Variants in ACACB observed in about 807,000 individuals in gnomAD.
ACACB encodes acetyl-CoA carboxylase 2.
Under a neutral mutation model 278.8 loss-of-function variants are expected in ACACB, and 209 were observed. The ratio of observed to expected loss-of-function variants is 0.75; its 90% confidence interval spans 0.67 to 0.84. ACACB has a LOEUF of 0.84. Among genes scored for constraint, ACACB ranks in the 40% least tolerant of loss-of-function variants. The pLI, the probability that ACACB is intolerant of heterozygous loss-of-function variation, is 0.00. For synonymous variants in ACACB, 1,174 were observed against 1,285.6 expected, an observed-to-expected ratio of 0.91 and a Z score of 1.86; for missense variants, 2,850 against 3,269.0, an observed-to-expected ratio of 0.87 and a Z score of 3.13.
intron 5 of ACACB, among the ~76,000 whole-genome samples, 173 bp from the exon 6 acceptor site, chr12:109,172,102 T>G (rs1005501935): frequency 6.6e-6 from 1 of 152,034 alleles, no homozygotes; most frequent in African/African-American, 2.4e-5. Flanking sequence ...AAAAAAAAAT[T>G]TTATAGACAG....
chr12:109,133,755 G>A (rs1332094850), intron 1 of ACACB, among the ~76,000 whole-genome samples: 1 of 148,474 alleles, frequency 6.7e-6, no homozygotes, highest in Non-Finnish European at 1.5e-5. Context: ...TGGTGTTCCT[G>A]AATGCAGTTT....
At position 109,199,498 on chromosome 12, in the gene ACACB, C is replaced by G; in HGVS notation, c.2724C>G (p.Tyr908Ter). 6.4e-7 allele frequency: 1 copy of G among 1,556,984 alleles called. No homozygotes were observed. The highest frequency in any genetic ancestry group is 1.2e-5 in the South Asian group (1 of 82,546). Residue 908 changes from tyrosine to a stop codon, truncating the protein, a stop_gained, in exon 18 of 53, where the codon TAC becomes TAG. Transcript: ENST00000338432. LOFTEE classifies it high-confidence loss of function. Reference protein sequence around the residue: ...RSPSAGKLTQYTVEDGGHVEA... With the variant: ...RSPSAGKLTQ ...CCTCGGCTGGGAAGCTGACACAGTA[C>G]ACAGTGGAGGATGGGGGCCACGTTG... is the stretch of plus-strand genomic sequence containing the variant.
At chr12:109,244,859 C>T (rs2046896903) in intron 37 of ACACB, among the ~76,000 whole-genome samples, 1 of 152,134 alleles carries the variant, frequency 6.6e-6, no homozygotes, top group South Asian at 2.1e-4. Flanking sequence ...CAGACCAGAG[C>T]TAAATTTATC....
chr12:109,152,640 CTTTTTTTT>C (rs34863094), intron 2 of ACACB, among the ~76,000 whole-genome samples: 45 of 74,868 alleles, frequency 6.0e-4, no homozygotes, highest in African/African-American at 1.3e-3. Flanking sequence ...TTCTTTCTTT[CTTTTTTTT>C]TTTTTTTTTT....
At chr12:109,147,685 C>T (rs2043277088) in intron 2 of ACACB, among the ~76,000 whole-genome samples, 1 of 152,066 alleles carries the variant, frequency 6.6e-6, no homozygotes, top group African/African-American at 2.4e-5. Context: ...GGTGCTGGCT[C>T]ATGGTAGGCT....
intron 11 of ACACB, 53 bp from the exon 12 acceptor site, chr12:109,185,526 G>T: frequency 8.1e-6 from 13 of 1,602,948 alleles, no homozygotes; most frequent in Non-Finnish European, 1.0e-5. Context: ...TGGTGTTTTG[G>T]GGCCGTGTTC....
In ACACB at chr12:109,223,872, G is replaced by A. The variant is rs567861529; in HGVS notation, c.3850G>A (p.Ala1284Thr). 13 of 1,613,998 alleles carry A rather than the reference G, an allele frequency of 8.1e-6. No individual in the cohort carries two copies. The highest frequency in any genetic ancestry group is 3.3e-4 in the Middle Eastern group (2 of 6,062). The change falls in exon 27 of 53, where the codon GCA (alanine) becomes ACA (threonine). Residue 1284 changes from alanine to threonine, a missense_variant. Physicochemically the swap from Ala to Thr is moderately conservative, Grantham distance 58 (BLOSUM62 0). Coordinates refer to ENST00000338432, the MANE Select transcript of ACACB (RefSeq NM_001093.4). Reference sequence around the variant, plus strand: ...CGTCCTGCCTACTTTCTTCTATCACGCAAACAAAGTCGTGTGCATGGCGTC... The same window carrying A: ...CGTCCTGCCTACTTTCTTCTATCACACAAACAAAGTCGTGTGCATGGCGTC... ...FDVLPTFFYH[A>T]NKVVCMASLE...
chr12:109,133,854 TATATATATA>T (rs2042895844), intron 1 of ACACB, among the ~76,000 whole-genome samples: 1 of 54,454 alleles, frequency 1.8e-5, no homozygotes, highest in African/African-American at 8.0e-5. Context: ...TATATATATA[TATATATATA>T]TTTTTTTTTT....
chr12:109,234,125 G>A (rs1472642787), intron 31 of ACACB, 80 bp downstream of exon 31: 1 of 1,198,008 alleles, frequency 8.3e-7, no homozygotes, highest in African/African-American at 1.5e-5. Flanking sequence ...CGGCCCTTGG[G>A]GAGGCAGGCG....
Position 109,242,442 on chromosome 12 carries a change from G to GT in ACACB, c.5031dup (p.His1678SerfsTer42). 10 of 1,613,720 alleles carry GT rather than the reference G, an allele frequency of 6.2e-6. No homozygotes were observed. Among genetic ancestry groups the GT allele is most frequent in the Non-Finnish European group, 8.5e-6 (10 of 1,179,750 alleles). ...TTCCCTCCTTTCTGGTCCAGATCAT[G>GT]TTTCACTCCTTCGGCAACAAGCAAG... On this transcript the variant is annotated frameshift_variant, in exon 37 of 53. Coordinates refer to ENST00000338432, the MANE Select transcript of ACACB (RefSeq NM_001093.4). LOFTEE classifies it high-confidence loss of function.
chr12:109,199,266 A>C (rs557589955), intron 17 of ACACB, 136 bp from the exon 18 acceptor site: 1 of 652,424 alleles, frequency 1.5e-6, no homozygotes, highest in South Asian at 6.0e-5. Flanking sequence ...TGAGATAACT[A>C]TCAACTGCCA....
At chr12:109,128,280 C>T (rs954427197) in intron 1 of ACACB, among the ~76,000 whole-genome samples, 1 of 152,126 alleles carries the variant, frequency 6.6e-6, no homozygotes, top group African/African-American at 2.4e-5. Flanking sequence ...TCCCTAGTAG[C>T]TGGGATTACT....
chr12:109,113,190 G>C (rs2042342699), upstream of ACACB: 1 of 152,238 alleles, frequency 6.6e-6, no homozygotes, highest in Non-Finnish European at 1.5e-5. Flanking sequence ...AGGCAGCAAC[G>C]GCTGGGTCAG....
At chr12:109,201,381 A>G (rs1432540368) in intron 18 of ACACB, among the ~76,000 whole-genome samples, 186 bp from the exon 19 acceptor site, 1 of 152,138 alleles carries the variant, frequency 6.6e-6, no homozygotes, top group African/African-American at 2.4e-5. Flanking sequence ...CTTGCCTGGC[A>G]CTTAGCAGGC....
chr12:109,212,925 G>T lies in ACACB; in HGVS notation c.3339G>T (p.Gln1113His). 6.2e-7 allele frequency: 1 copy of T among 1,614,128 alleles called. No homozygotes were observed. The highest frequency in any genetic ancestry group is 8.5e-7 in the Non-Finnish European group (1 of 1,179,964). The part of the protein sequence containing the change: ...VFFINTQSIV[Q>H]LVQRYRSGIR... ...TCATCAACACCCAGAGCATCGTGCA[G>T]TTGGTCCAGAGGTGAATCCTGGGTC... Residue 1113 changes from glutamine (Q) to histidine (H), a missense_variant, in exon 22 of 53, where the codon CAG (glutamine) becomes CAT (histidine). Gln to His is a conservative substitution (Grantham distance 24, BLOSUM62 0). Transcript: ENST00000338432.
chr12:109,221,750 C>T (rs971133366), intron 24 of ACACB, among the ~76,000 whole-genome samples: 28 of 152,010 alleles, frequency 1.8e-4, no homozygotes, highest in Non-Finnish European at 3.2e-4. Context: ...CCTCAGTGTT[C>T]CTATCTGTAA....
chr12:109,118,634 G>A (rs916791936), intron 1 of ACACB, among the ~76,000 whole-genome samples: 3 of 151,864 alleles, frequency 2.0e-5, no homozygotes, highest in African/African-American at 7.3e-5. Context: ...GGCTGGTCTC[G>A]AACTCCTGAC....
At chr12:109,179,468 C>T (rs964224076) in intron 10 of ACACB, 171 bp downstream of exon 10, 8 of 692,062 alleles carry the variant, frequency 1.2e-5, no homozygotes, top group African/African-American at 1.1e-4. Context: ...TTGGATTAGC[C>T]GGTCTGTGAA....
At chr12:109,120,769 GC>G (rs1246242772) in intron 1 of ACACB, among the ~76,000 whole-genome samples, 2 of 152,164 alleles carry the variant, frequency 1.3e-5, no homozygotes, top group African/African-American at 4.8e-5. Flanking sequence ...CACACCTGGA[GC>G]TGGAGGGCCC....
Sources: allele counts gnomAD v4.1 joint callset (sites outside exome capture counted in the v4.1 genomes callset), GRCh38; gene constraint gnomAD v4.1.1; transcripts MANE v1.5; gene names NCBI Gene and HGNC (gene_info 2026-07-23, HGNC 2026-07-21).